The following GRIA4 variants were observed in gnomAD, a reference collection of about 807,000 sequenced individuals.
The protein encoded by GRIA4 is glutamate ionotropic receptor AMPA type subunit 4, also known as glutamate receptor 4.
GRIA4 carries 34 observed loss-of-function variants against 104.0 expected under a neutral mutation model. The observed-to-expected ratio is 0.33, with a 90% CI of 0.25 to 0.44. The LOEUF is 0.44. Among genes scored for constraint, GRIA4 ranks in the 20% least tolerant of loss-of-function variants. The pLI, the probability that GRIA4 is intolerant of heterozygous loss-of-function variation, is 1.00. For missense variants in GRIA4, 750 were observed against 1,096.5 expected (o/e 0.68, Z 4.46); for synonymous variants, 386 against 381.9 (o/e 1.01, Z -0.13).
rs143276365 is a variant in GRIA4, at chr11:105,612,626, T to C, written c.247+192T>C. 1,448 of 520,184 alleles carry C rather than the reference T, an allele frequency of 2.8e-3. 15 individuals are homozygous for C. Among genetic ancestry groups the C allele is most frequent in the African/African-American group, 0.025 (1,287 of 51,794 alleles). The allele number at this position is 520,184 out of a possible 1,614,324, so 32.2% of individuals were successfully genotyped here. On this transcript the variant is annotated intron_variant, in intron 3 of 16. Coordinates refer to ENST00000282499, the MANE Select transcript of GRIA4 (RefSeq NM_000829.4). ...TTAGTTGTTTTTTTTTTCTTTTCCT[T>C]AATTTATTTTTCTTTTCTTTCTTCT...
In GRIA4 at chr11:105,980,410, T is replaced by G. The variant is rs577856551; in HGVS notation, c.*671T>G. ...GAACAATACATTGCAATAATTGATA[T>G]AAATGCCATCACTGTAATAAACTTT... On this transcript the variant is annotated 3_prime_UTR_variant, in exon 17 of 17. Coordinates refer to ENST00000282499, the MANE Select transcript of GRIA4 (RefSeq NM_000829.4). 3.9e-5 allele frequency: 6 copies of G among 152,774 alleles called. No individual in the cohort carries two copies. Among genetic ancestry groups the G allele is most frequent in the Admixed American group, 2.0e-4 (3 of 15,310 alleles). 9.5% of individuals were successfully genotyped at this position (152,774 alleles called of 1,614,324 possible).
chr11:105,655,204 T>C (rs7122727), intron 3 of GRIA4, among the ~76,000 whole-genome samples: 81,350 of 151,990 alleles, frequency 0.54, 21,955 homozygotes, highest in Admixed American at 0.62. Context: ...ATACACATGA[T>C]TATTAGTGTG....
intron 3 of GRIA4, among the ~76,000 whole-genome samples, chr11:105,717,189 C>T (rs1954121180): frequency 6.6e-6 from 1 of 152,052 alleles, no homozygotes; most frequent in African/African-American, 2.4e-5. Flanking sequence ...CCTGAAATCC[C>T]AGTCCAAGCA....
chr11:105,913,409 C>A (rs750839927), intron 10 of GRIA4: 21 of 452,782 alleles, frequency 4.6e-5, no homozygotes, highest in Non-Finnish European at 5.8e-5. Flanking sequence ...TATACCACAG[C>A]AAAATCTAAT....
chr11:105,961,835 A>G (rs1191739933), intron 14 of GRIA4, among the ~76,000 whole-genome samples: 1 of 152,200 alleles, frequency 6.6e-6, no homozygotes, highest in African/African-American at 2.4e-5. Context: ...AGACAGATAA[A>G]CTGCATTAAT....
At chr11:105,717,834 G>C (rs1954151006) in intron 3 of GRIA4, among the ~76,000 whole-genome samples, 1 of 150,182 alleles carries the variant, frequency 6.7e-6, no homozygotes, top group Non-Finnish European at 1.5e-5. Context: ...CTAGCATTAG[G>C]TATATCTCCC....
At chr11:105,735,967 T>C (rs905901102) in intron 3 of GRIA4, among the ~76,000 whole-genome samples, 21 of 152,182 alleles carry the variant, frequency 1.4e-4, no homozygotes, top group Admixed American at 1.4e-3. Context: ...GCAGCAATTG[T>C]CCCAGAAAAC....
intron 14 of GRIA4, among the ~76,000 whole-genome samples, chr11:105,938,623 T>G (rs1948110852): frequency 1.3e-5 from 2 of 152,182 alleles, no homozygotes; most frequent in African/African-American, 4.8e-5. Context: ...GTAATCCCAT[T>G]ATATTTTGAG....
chr11:105,667,830 T>C (rs939044122), intron 3 of GRIA4, among the ~76,000 whole-genome samples: 1 of 152,138 alleles, frequency 6.6e-6, no homozygotes, highest in East Asian at 1.9e-4. Flanking sequence ...TTCTTTCTTT[T>C]TAATTTTGTG....
At chr11:105,791,116 G>C (rs992500088) in intron 4 of GRIA4, among the ~76,000 whole-genome samples, 1 of 152,044 alleles carries the variant, frequency 6.6e-6, no homozygotes, top group Non-Finnish European at 1.5e-5. Context: ...TCATGTCTGA[G>C]GGTTTTGTTT....
chr11:105,765,071 C>T (rs536603741), intron 4 of GRIA4, among the ~76,000 whole-genome samples: 1 of 152,258 alleles, frequency 6.6e-6, no homozygotes, highest in East Asian at 1.9e-4. Context: ...AGTACATGAC[C>T]TTCAGCCATA....
chr11:105,810,741 T>A (rs1943139488), intron 4 of GRIA4, among the ~76,000 whole-genome samples: 2 of 152,150 alleles, frequency 1.3e-5, no homozygotes, highest in South Asian at 4.1e-4. Context: ...CCTGCCTGAA[T>A]ATTCAGATAA....
intron 3 of GRIA4, among the ~76,000 whole-genome samples, chr11:105,744,182 T>C (rs536065456): frequency 6.6e-5 from 10 of 152,330 alleles, no homozygotes; most frequent in Admixed American, 4.6e-4. Flanking sequence ...AGCCCTGTCT[T>C]GTCCACTAGA....
At chr11:105,851,369 A>G (rs569275612) in intron 4 of GRIA4, among the ~76,000 whole-genome samples, 92 of 152,212 alleles carry the variant, frequency 6.0e-4, no homozygotes, top group Non-Finnish European at 1.2e-3. Context: ...ATAATTTCAC[A>G]TCCCTGAGGT....
intron 14 of GRIA4, among the ~76,000 whole-genome samples, chr11:105,971,101 T>C (rs1167583912): frequency 1.3e-5 from 2 of 152,196 alleles, no homozygotes; most frequent in Non-Finnish European, 2.9e-5. Context: ...CTGTCTTTTT[T>C]TGTTGCTAAG....
At chr11:105,886,463 C>T (rs1946263710) in intron 5 of GRIA4, among the ~76,000 whole-genome samples, 1 of 151,626 alleles carries the variant, frequency 6.6e-6, no homozygotes, top group Admixed American at 6.6e-5. Context: ...TTTTTCTGTA[C>T]CCATTAACCA....
intron 3 of GRIA4, among the ~76,000 whole-genome samples, chr11:105,735,073 A>G (rs1172614474): frequency 2.0e-5 from 3 of 152,198 alleles, no homozygotes; most frequent in African/African-American, 7.2e-5. Context: ...AGCCCCCAAC[A>G]GAGTACCTAA....
intron 3 of GRIA4, among the ~76,000 whole-genome samples, chr11:105,730,864 T>C (rs954821579): frequency 1.2e-4 from 18 of 152,112 alleles, no homozygotes; most frequent in Non-Finnish European, 4.4e-5. Flanking sequence ...TTAAACTTTA[T>C]ACAAGGATTA....
rs143994103 is a variant in GRIA4, at chr11:105,970,326, CA to C, written c.2295-1579del. Among the ~76,000 whole-genome samples the C allele has an allele frequency of 5.5e-3, 821 of 150,004 alleles. 6 individuals are homozygous for C. The highest frequency in any genetic ancestry group is 0.018 in the African/African-American group (719 of 40,934). ...AGAATTTTTTTCAAAACTAACCATA[CA>C]AAAAAAAATGGGTTTTAGTTTAACC... On this transcript the variant is annotated intron_variant, in intron 14 of 16. Coordinates refer to ENST00000282499, the MANE Select transcript of GRIA4 (RefSeq NM_000829.4).
Sources: gnomAD v4.1 joint callset for allele counts (sites outside exome capture counted in the v4.1 genomes callset) on GRCh38, gnomAD v4.1.1 for gene constraint, MANE v1.5 for transcripts, NCBI Gene and HGNC (gene_info 2026-07-23, HGNC 2026-07-21) for gene names.